Variants in RASSF2 observed in about 807,000 individuals in gnomAD.
RASSF2 encodes Ras association domain family member 2, also known as ras association domain-containing protein 2.
Under a neutral mutation model 46.3 loss-of-function variants are expected in RASSF2, and 34 were observed. The observed-to-expected ratio is 0.73, with a 90% CI of 0.56 to 0.98. The LOEUF (loss-of-function observed/expected upper bound fraction) is 0.98. Ranked by LOEUF, RASSF2 falls within the 50% of genes least tolerant of loss-of-function variation. The pLI, the probability that RASSF2 is intolerant of heterozygous loss-of-function variation, is 0.00. For synonymous variants in RASSF2, 158 were observed against 162.5 expected, an observed-to-expected ratio of 0.97 and a Z score of 0.21; for missense variants, 364 against 431.2, an observed-to-expected ratio of 0.84 and a Z score of 1.38.
In RASSF2 at chr20:4,784,222, T is replaced by A; in HGVS notation, c.*51A>T. On this transcript the variant is annotated 3_prime_UTR_variant, in exon 12 of 12. Coordinates refer to ENST00000379400, the MANE Select transcript of RASSF2 (RefSeq NM_014737.3). ...GAAAGTGCCTAGCTTCCTGGGGGTC[T>A]TATGGGCAATGGCGGTTCCTGGGGT... 1 of 1,542,590 alleles carries A rather than the reference T, an allele frequency of 6.5e-7. No homozygotes were observed. The highest frequency in any genetic ancestry group is 9.0e-7 in the Non-Finnish European group (1 of 1,114,944).
intron 10 of RASSF2, among the ~76,000 whole-genome samples, chr20:4,786,811 T>C (rs1166486884): frequency 6.6e-6 from 1 of 152,074 alleles, no homozygotes; most frequent in Non-Finnish European, 1.5e-5. Context: ...GTGCCAGGCA[T>C]CGTGGTTCAT....
At chr20:4,805,644 C>T (rs1400418032) in intron 2 of RASSF2, among the ~76,000 whole-genome samples, 8 of 152,154 alleles carry the variant, frequency 5.3e-5, no homozygotes, top group African/African-American at 1.9e-4. Context: ...GGAAAGGTCA[C>T]CCACCCAATG....
At chr20:4,786,857 G>A (rs1227366332) in intron 10 of RASSF2, among the ~76,000 whole-genome samples, 1 of 152,090 alleles carries the variant, frequency 6.6e-6, no homozygotes, top group African/African-American at 2.4e-5. Flanking sequence ...GCTGAGGCGG[G>A]CGGATCACTT....
At chr20:4,811,994 T>C (rs969060941) in intron 2 of RASSF2, among the ~76,000 whole-genome samples, 5 of 152,052 alleles carry the variant, frequency 3.3e-5, no homozygotes, top group African/African-American at 9.7e-5. Context: ...GCAGAGGAGA[T>C]AGTGATCCCT....
intron 10 of RASSF2, among the ~76,000 whole-genome samples, chr20:4,787,417 T>C (rs1158180672): frequency 1.3e-5 from 2 of 152,142 alleles, no homozygotes; most frequent in Non-Finnish European, 2.9e-5. Context: ...GACCACAGAA[T>C]CATGGGCAAA....
chr20:4,815,532 T>G (rs1928234183), intron 2 of RASSF2, among the ~76,000 whole-genome samples: 1 of 152,148 alleles, frequency 6.6e-6, no homozygotes. Flanking sequence ...AGGGCAAGCG[T>G]TGGGCACACA....
At chr20:4,805,257 T>A (rs1040362657) in intron 2 of RASSF2, among the ~76,000 whole-genome samples, 1 of 152,066 alleles carries the variant, frequency 6.6e-6, no homozygotes, top group African/African-American at 2.4e-5. Context: ...GGGCCCTAAA[T>A]GTAACCACCA....
intron 2 of RASSF2, 49 bp from the exon 3 acceptor site, chr20:4,801,111 G>A: frequency 6.7e-7 from 1 of 1,498,126 alleles, no homozygotes; most frequent in Non-Finnish European, 9.3e-7. Context: ...TGTGTGCTTG[G>A]GAACTCAGCA....
Position 4,784,283 on chromosome 20 carries a change from G to T in RASSF2, c.971C>A (p.Ala324Glu). Residue 324 changes from alanine (A) to glutamate (E), a missense_variant, in exon 12 of 12, where the codon GCA becomes GAA. Transcript: ENST00000379400. ...QRLEEIAETP[A>E]TI is the part of the protein sequence containing the mutation. ...CCTCGTTCTCATGGCTCAGATTGTT[G>T]CTGGGGTCTCGGCTATCTCCTCCAG... The T allele has an allele frequency of 6.2e-7, 1 of 1,613,650 alleles. No individual in the cohort carries two copies. The highest frequency in any genetic ancestry group is 8.5e-7 in the Non-Finnish European group (1 of 1,179,616).
At chr20:4,805,004 G>A (rs573659527) in intron 2 of RASSF2, among the ~76,000 whole-genome samples, 3 of 152,214 alleles carry the variant, frequency 2.0e-5, no homozygotes, top group East Asian at 3.9e-4. Flanking sequence ...GGCAGAAAGA[G>A]CAGGCAACTC....
chr20:4,813,754 G>A (rs1324523359), intron 2 of RASSF2, among the ~76,000 whole-genome samples: 1 of 151,068 alleles, frequency 6.6e-6, no homozygotes, highest in Admixed American at 6.7e-5. Context: ...CATAGCTCCC[G>A]GTGTGTGAGT....
chr20:4,814,505 C>G (rs977321232), intron 2 of RASSF2, among the ~76,000 whole-genome samples: 2 of 152,126 alleles, frequency 1.3e-5, no homozygotes, highest in East Asian at 3.8e-4. Flanking sequence ...TTCCTCTACT[C>G]GCCACCTGGG....
In RASSF2 at chr20:4,780,255, C is replaced by T. The variant is rs1924673892; in HGVS notation, c.*4018G>A. The T allele has an allele frequency of 6.6e-6, 1 of 152,158 alleles. No individual in the cohort carries two copies. Among genetic ancestry groups the T allele is most frequent in the African/African-American group, 2.4e-5 (1 of 41,422 alleles). 9.4% of individuals were successfully genotyped at this position (152,158 alleles called of 1,614,324 possible). A position where few individuals can be genotyped will look rare whatever the true frequency, so the allele number is the denominator to read the frequency against. ...CAAGGCTAAAACAATTGGGAAAACC[C>T]TTCAGAAACGCTAGCAATTACACAC... On this transcript the variant is annotated 3_prime_UTR_variant, in exon 12 of 12. Transcript: ENST00000379400.
rs572706976 is a variant in RASSF2, at chr20:4,783,667, G to C, written c.*606C>G. The C allele has an allele frequency of 6.6e-6, 1 of 152,580 alleles. No individual in the cohort carries two copies. Among genetic ancestry groups the C allele is most frequent in the Non-Finnish European group, 1.5e-5 (1 of 68,146 alleles). 9.5% of individuals were successfully genotyped at this position (152,580 alleles called of 1,614,324 possible). A position where few individuals can be genotyped will look rare whatever the true frequency, so the allele number is the denominator to read the frequency against. On this transcript the variant is annotated 3_prime_UTR_variant, in exon 12 of 12. Coordinates refer to ENST00000379400, the MANE Select transcript of RASSF2 (RefSeq NM_014737.3). ...TCTTTTTCTTTCCATCAGACTTGCC[G>C]CAAGGTTATGTGGCTGTTATTTTGT...
intron 2 of RASSF2, among the ~76,000 whole-genome samples, chr20:4,803,861 C>A (rs775899097): frequency 6.6e-6 from 1 of 152,214 alleles, no homozygotes; most frequent in South Asian, 2.1e-4. Context: ...GAGTTCAAGA[C>A]CAGCCTGGGC....
At position 4,780,359 on chromosome 20, in the gene RASSF2, T is replaced by C. The variant is rs1924683672; in HGVS notation, c.*3914A>G. The stretch of plus-strand genomic sequence containing the variant: ...TAAACTGAGGGTTTCCCACCACAGC[T>C]TGTGCATCTTGTGCTCAGTTAAATA... On this transcript the variant is annotated 3_prime_UTR_variant, in exon 12 of 12. Coordinates refer to ENST00000379400, the MANE Select transcript of RASSF2 (RefSeq NM_014737.3). 1 of 152,196 alleles carries C rather than the reference T, an allele frequency of 6.6e-6. No homozygotes were observed. Among genetic ancestry groups the C allele is most frequent in the South Asian group, 2.1e-4 (1 of 4,838 alleles). The allele number at this position is 152,196 out of a possible 1,614,324, so 9.4% of individuals were successfully genotyped here.
chr20:4,816,317 C>T lies in RASSF2; in HGVS notation c.-33+6012G>A, dbSNP rs749766675. On this transcript the variant is annotated intron_variant, in intron 2 of 11. Transcript: ENST00000379400. ...TGAGACCCTGTCTCAAAAACAAAAACGAAAAATATATATAGATAAATGAAA... is the reference window on the plus strand; with the variant it reads ...TGAGACCCTGTCTCAAAAACAAAAATGAAAAATATATATAGATAAATGAAA... Among the ~76,000 whole-genome samples the T allele has an allele frequency of 5.3e-5, 8 of 151,818 alleles. No homozygotes were observed. The South Asian group carries it at 1.2e-3, about 24-fold the overall frequency.
At chr20:4,803,823 C>T (rs1211303073) in intron 2 of RASSF2, among the ~76,000 whole-genome samples, 2 of 151,868 alleles carry the variant, frequency 1.3e-5, no homozygotes, top group East Asian at 3.9e-4. Flanking sequence ...CTTCAGGAAG[C>T]CGAGGAGGGA....
chr20:4,809,657 T>C (rs146864120), intron 2 of RASSF2, among the ~76,000 whole-genome samples: 15 of 152,316 alleles, frequency 9.8e-5, no homozygotes, highest in East Asian at 3.9e-4. Flanking sequence ...GACACTAACC[T>C]GCTACCTTAG....
Sources: gnomAD v4.1 joint callset for allele counts (sites outside exome capture counted in the v4.1 genomes callset) on GRCh38, gnomAD v4.1.1 for gene constraint, MANE v1.5 for transcripts, NCBI Gene and HGNC (gene_info 2026-07-23, HGNC 2026-07-21) for gene names.